The following FAM83G variants were observed in gnomAD, a reference collection of about 807,000 sequenced individuals.
FAM83G encodes scaffolding CK1 anchoring protein G.
In FAM83G, 38 loss-of-function variants were observed where a neutral mutation model predicts 61.5. That is an observed-to-expected ratio of 0.62 (90% CI 0.48 to 0.81). The LOEUF is 0.81. FAM83G is among the 30% of genes least tolerant of loss of function. FAM83G has a pLI of 0.00. For missense variants in FAM83G, 989 were observed against 1,133.6 expected, an observed-to-expected ratio of 0.87 and a Z score of 1.83; for synonymous variants, 470 against 476.1, an observed-to-expected ratio of 0.99 and a Z score of 0.17.
chr17:18,971,348 G>C lies in FAM83G; in HGVS notation c.*11C>G. The C allele has an allele frequency of 6.3e-7, 1 of 1,598,404 alleles. No homozygotes were observed. Among genetic ancestry groups the C allele is most frequent in the Non-Finnish European group, 8.5e-7 (1 of 1,174,320 alleles). On this transcript the variant is annotated 3_prime_UTR_variant, in exon 6 of 6. Transcript: ENST00000388995. The surrounding 1 kb of genome is among the most constrained non-coding windows in gnomAD (Gnocchi z 5.5). ...GCCTCAGAAGGTGTGGCTCCAGGCT[G>C]GGACATGCTGCTAGGGGTCTTTGCG...
rs1175970689 is a variant in FAM83G at position 18,976,768 on chromosome 17, C to A, written c.2082+816G>T. 6 of 1,535,414 alleles carry A rather than the reference C, an allele frequency of 3.9e-6. No homozygotes were observed. The Admixed American group carries it at 1.1e-4, about 27-fold the overall frequency. ...TAATGGGACATCATCGTGCCTCATG[C>A]CCATTCCCTGAGGCCCACCAAGGAC... On this transcript the variant is annotated intron_variant, in intron 5 of 5. Coordinates refer to ENST00000388995, the MANE Select transcript of FAM83G (RefSeq NM_001039999.3).
At chr17:18,984,372 C>T (rs1413687065) in intron 3 of FAM83G, among the ~76,000 whole-genome samples, 1 of 150,754 alleles carries the variant, frequency 6.6e-6, no homozygotes, top group African/African-American at 2.5e-5. Context: ...CTGCCTTATA[C>T]CCTGAATCCA....
Position 18,969,005 on chromosome 17 carries a change from G to A in FAM83G, c.*2354C>T, listed in dbSNP as rs1163333758. ...GAGGTCACCCAGGGAGTGGCTTGCTGGAGCCCTGGGAATAACAGTCCCACA... is the reference window on the plus strand; with the variant it reads ...GAGGTCACCCAGGGAGTGGCTTGCTAGAGCCCTGGGAATAACAGTCCCACA... On this transcript the variant is annotated 3_prime_UTR_variant, in exon 6 of 6. Coordinates refer to ENST00000388995, the MANE Select transcript of FAM83G (RefSeq NM_001039999.3). 1 of 1,561,890 alleles carries A rather than the reference G, an allele frequency of 6.4e-7. No individual in the cohort carries two copies. The highest frequency in any genetic ancestry group is 1.8e-5 in the Admixed American group (1 of 55,556).
Position 18,969,958 on chromosome 17 carries a change from G to C in FAM83G, c.*1401C>G, listed in dbSNP as rs937710230. 6.5e-6 allele frequency: 1 copy of C among 153,062 alleles called. No homozygotes were observed. 9.5% of individuals were successfully genotyped at this position (153,062 alleles called of 1,614,324 possible). On this transcript the variant is annotated 3_prime_UTR_variant, in exon 6 of 6. Coordinates refer to ENST00000388995, the MANE Select transcript of FAM83G (RefSeq NM_001039999.3). Reference sequence around the variant, plus strand: ...AGAGAGCGTGAGCTCACCGTCCCTGGAAGTATGTAAGCAGAGCCAGGAGGA... The same window carrying C: ...AGAGAGCGTGAGCTCACCGTCCCTGCAAGTATGTAAGCAGAGCCAGGAGGA...
chr17:18,969,635 T>C lies in FAM83G; in HGVS notation c.*1724A>G, dbSNP rs2042789222. On this transcript the variant is annotated 3_prime_UTR_variant, in exon 6 of 6. Coordinates refer to ENST00000388995, the MANE Select transcript of FAM83G (RefSeq NM_001039999.3). ...GGCTGGTAGAGGCTACCCACCCTGC[T>C]GCCCCGCTGTTACCAGCTCTGGCCC... 1.9e-6 allele frequency: 1 copy of C among 512,966 alleles called. No homozygotes were observed. Among genetic ancestry groups the C allele is most frequent in the South Asian group, 3.3e-5 (1 of 30,724 alleles). The allele number at this position is 512,966 out of a possible 1,614,324, so 31.8% of individuals were successfully genotyped here.
Position 18,970,999 on chromosome 17 carries a change from C to A in FAM83G, c.*360G>T. The A allele has an allele frequency of 6.2e-7, 1 of 1,613,656 alleles. No homozygotes were observed. The highest frequency in any genetic ancestry group is 1.3e-5 in the African/African-American group (1 of 75,034). ...AACCACCAAACTGTCCCTGTTCCAC[C>A]CTGACCCCTCCAGCTTTTGACCAGA... On this transcript the variant is annotated 3_prime_UTR_variant, in exon 6 of 6. Coordinates refer to ENST00000388995, the MANE Select transcript of FAM83G (RefSeq NM_001039999.3).
At position 18,996,427 on chromosome 17, in the gene FAM83G, T is replaced by C. The variant is rs548399712; in HGVS notation, c.522+7093A>G. Among the ~76,000 whole-genome samples, 7 of 151,984 alleles carry C rather than the reference T, an allele frequency of 4.6e-5. No homozygotes were observed. Among genetic ancestry groups the C allele is most frequent in the African/African-American group, 1.7e-4 (7 of 41,430 alleles). On this transcript the variant is annotated intron_variant, in intron 2 of 5. Coordinates refer to ENST00000388995, the MANE Select transcript of FAM83G (RefSeq NM_001039999.3). This position sits in a 1 kb window ranked among gnomAD's most constrained non-coding sequence, Gnocchi z 4.4. Reference sequence around the variant, plus strand: ...TGCCATCTGAAGAGGCCCAAGAAGGTTCTCTGGGTTAGGAAGTTCTCCTAG... The same window carrying C: ...TGCCATCTGAAGAGGCCCAAGAAGGCTCTCTGGGTTAGGAAGTTCTCCTAG...
At chr17:18,990,109 G>A (rs2043376597) in intron 2 of FAM83G, among the ~76,000 whole-genome samples, 2 of 152,170 alleles carry the variant, frequency 1.3e-5, no homozygotes, top group African/African-American at 2.4e-5. Flanking sequence ...CAGGGTCTAC[G>A]ACTCGCAGGG....
At chr17:19,002,565 G>A (rs1052269589) in intron 2 of FAM83G, among the ~76,000 whole-genome samples, 1 of 152,232 alleles carries the variant, frequency 6.6e-6, no homozygotes, top group African/African-American at 2.4e-5. Flanking sequence ...CCCACAACCT[G>A]AGGCCCAGAC....
At chr17:18,991,951 G>A (rs911687292) in intron 2 of FAM83G, among the ~76,000 whole-genome samples, 6 of 152,156 alleles carry the variant, frequency 3.9e-5, no homozygotes, top group African/African-American at 1.2e-4. Flanking sequence ...CAGGGTGTGG[G>A]AGGATGGCCA....
chr17:19,004,149 G>A lies in FAM83G; in HGVS notation c.-108C>T. ...GCTCGGGGGCCTCTCCGCGGCCTCT[G>A]CTTCTCTGCCCATGAGCAATCTGCG... On this transcript the variant is annotated 5_prime_UTR_variant, in exon 2 of 6. Coordinates refer to ENST00000388995, the MANE Select transcript of FAM83G (RefSeq NM_001039999.3). The surrounding 1 kb of genome is among the most constrained non-coding windows in gnomAD (Gnocchi z 5.4). 1 of 1,114,328 alleles carries A rather than the reference G, an allele frequency of 9.0e-7. No individual in the cohort carries two copies. The highest frequency in any genetic ancestry group is 1.3e-6 in the Non-Finnish European group (1 of 789,500). 69.0% of individuals were successfully genotyped at this position (1,114,328 alleles called of 1,614,324 possible).
chr17:18,991,493 C>A (rs1007473324), intron 2 of FAM83G, among the ~76,000 whole-genome samples: 3 of 152,178 alleles, frequency 2.0e-5, no homozygotes, highest in African/African-American at 7.2e-5. Flanking sequence ...CTGGGCAGGG[C>A]AAGGGCTGTG....
At position 19,003,604 on chromosome 17, in the gene FAM83G, C is replaced by G; in HGVS notation, c.438G>C (p.Arg146=). The G allele has an allele frequency of 2.5e-6, 4 of 1,611,242 alleles. No homozygotes were observed. Among genetic ancestry groups the G allele is most frequent in the Non-Finnish European group, 2.5e-6 (3 of 1,178,906 alleles). Residue 146 remains arginine (R), a synonymous_variant, in exon 2 of 6, where the codon CGG becomes CGC. Transcript: ENST00000388995. This position sits in a 1 kb window ranked among gnomAD's most constrained non-coding sequence, Gnocchi z 4.5. The part of the protein sequence containing the change: ...PDTIAYRGVT[R]ASVYMQPPID... Reference sequence around the variant, plus strand: ...TGGGGGGCTGCATGTAGACGCTAGCCCGGGTCACGCCGCGGTAGGCGATGG... The same window carrying G: ...TGGGGGGCTGCATGTAGACGCTAGCGCGGGTCACGCCGCGGTAGGCGATGG...
rs551868719 is a variant in FAM83G at position 18,971,961 on chromosome 17, G to A, written c.2083-213C>T. Reference sequence around the variant, plus strand: ...GGGAATAATCCTGCCCTTTGTGGGTGTAGCAAGGCAGCTTCCTCCCAGCTC... The same window carrying A: ...GGGAATAATCCTGCCCTTTGTGGGTATAGCAAGGCAGCTTCCTCCCAGCTC... On this transcript the variant is annotated intron_variant, in intron 5 of 5. Transcript: ENST00000388995. This position sits in a 1 kb window ranked among gnomAD's most constrained non-coding sequence, Gnocchi z 5.5. Among the ~76,000 whole-genome samples the A allele has an allele frequency of 1.3e-5, 2 of 152,350 alleles. No homozygotes were observed. Among genetic ancestry groups the A allele is most frequent in the South Asian group, 2.1e-4 (1 of 4,832 alleles).
chr17:18,992,604 C>G (rs2043456523), intron 2 of FAM83G, among the ~76,000 whole-genome samples: 1 of 152,232 alleles, frequency 6.6e-6, no homozygotes, highest in African/African-American at 2.4e-5. Flanking sequence ...CCAGCCAGAG[C>G]CCCCTGAGCA....
Position 18,979,576 on chromosome 17 carries a change from C to G in FAM83G, c.788G>C (p.Gly263Ala), listed in dbSNP as rs1488644555. ...GTAGGAGCCGCACACAGCCCGGTCT[C>G]CATCCACAAACATGAACTTCTGGGC... ...ALAQKFMFVDGDRAVCGSYSF... is the reference protein window; with the variant it reads ...ALAQKFMFVDADRAVCGSYSF... Residue 263 changes from glycine (G) to alanine (A), a missense_variant, in exon 4 of 6, where the codon GGA (glycine) becomes GCA (alanine). Transcript: ENST00000388995. 3 of 1,613,526 alleles carry G rather than the reference C, an allele frequency of 1.9e-6. No individual in the cohort carries two copies.
rs1462113751 is a variant in FAM83G at position 19,003,509 on chromosome 17, C to A, written c.522+11G>T. 1 of 1,520,706 alleles carries A rather than the reference C, an allele frequency of 6.6e-7. No homozygotes were observed. The highest frequency in any genetic ancestry group is 8.8e-7 in the Non-Finnish European group (1 of 1,133,308). 94.2% of individuals were successfully genotyped at this position (1,520,706 alleles called of 1,614,324 possible). On this transcript the variant is annotated intron_variant, in intron 2 of 5. Coordinates refer to ENST00000388995, the MANE Select transcript of FAM83G (RefSeq NM_001039999.3). The surrounding 1 kb of genome is among the most constrained non-coding windows in gnomAD (Gnocchi z 4.5). The stretch of plus-strand genomic sequence containing the variant: ...TGGGCCATGGCTCCAGGAGTCCCCG[C>A]GCTGCCTCACCTTCTGTGCCTGGCT...
chr17:18,982,864 G>C (rs1374590268), intron 3 of FAM83G, among the ~76,000 whole-genome samples: 2 of 152,226 alleles, frequency 1.3e-5, no homozygotes, highest in Non-Finnish European at 2.9e-5. Context: ...GCCAACCAAG[G>C]CCTTTCTTTC....
chr17:18,976,648 G>A (rs1029084257), intron 5 of FAM83G: 8 of 608,608 alleles, frequency 1.3e-5, no homozygotes, highest in Admixed American at 3.0e-5. Flanking sequence ...AGTGTACCTC[G>A]GCTCTCGCTG....
Sources: allele counts gnomAD v4.1 joint callset (sites outside exome capture counted in the v4.1 genomes callset), GRCh38; gene constraint gnomAD v4.1.1; non-coding constraint Gnocchi (gnomAD v3.1); transcripts MANE v1.5; gene names NCBI Gene and HGNC (gene_info 2026-07-23, HGNC 2026-07-21).